ATXN10: variants seen among roughly 807,000 people sequenced by gnomAD.
The protein encoded by ATXN10 is ataxin-10.
A neutral mutation model predicts 52.9 loss-of-function variants in ATXN10; 28 were observed. The observed-to-expected ratio is 0.53, with a 90% confidence interval of 0.39 to 0.73. The LOEUF (loss-of-function observed/expected upper bound fraction) is 0.73, where lower values mean the gene tolerates loss of function less well. Ranked by LOEUF, ATXN10 falls within the 30% of genes least tolerant of loss-of-function variation. The pLI, the probability that ATXN10 is intolerant of heterozygous loss-of-function variation, is 0.00. For missense variants in ATXN10, 565 were observed against 577.0 expected (o/e 0.98, Z 0.21); for synonymous variants, 226 against 221.5 (o/e 1.02, Z -0.18).
intron 9 of ATXN10, among the ~76,000 whole-genome samples, chr22:45,755,911 G>T (rs142758158): frequency 4.8e-4 from 73 of 152,236 alleles, no homozygotes; most frequent in Non-Finnish European, 8.5e-4. Flanking sequence ...GCTTGCCTGA[G>T]GTCACACACA....
intron 5 of ATXN10, among the ~76,000 whole-genome samples, chr22:45,709,435 G>T (rs1186561957): frequency 6.6e-6 from 1 of 152,166 alleles, no homozygotes; most frequent in Non-Finnish European, 1.5e-5. Flanking sequence ...AGGGTCATTG[G>T]GTGAAGGCAC....
chr22:45,682,937 C>G (rs1776758270), intron 1 of ATXN10, among the ~76,000 whole-genome samples: 1 of 152,216 alleles, frequency 6.6e-6, no homozygotes, highest in Admixed American at 6.5e-5. Flanking sequence ...CTGCTGTCGT[C>G]TCTTTCTCCC....
intron 9 of ATXN10, chr22:45,760,643 C>T (rs1926352819): frequency 1.3e-5 from 2 of 154,130 alleles, no homozygotes; most frequent in Admixed American, 6.5e-5. Context: ...TGAGTGTGTC[C>T]TGTGTCCTAG....
rs559314383 is a variant in ATXN10, at chr22:45,832,347, G to A, written c.1238-10644G>A. Among the ~76,000 whole-genome samples, 21 of 152,236 alleles carry A rather than the reference G, an allele frequency of 1.4e-4. 1 individual carries two copies. In the East Asian group the frequency reaches 1.5e-3, roughly 11 times the overall value. On this transcript the variant is annotated intron_variant, in intron 10 of 11. Coordinates refer to ENST00000252934, the MANE Select transcript of ATXN10 (RefSeq NM_013236.4). ...CATCAGTGTTCCTCCATGTGGAGGC[G>A]CTGTGTGGCCTGCTCCCATCTGCAC...
intron 9 of ATXN10, among the ~76,000 whole-genome samples, chr22:45,785,557 G>A (rs1233870138): frequency 1.3e-5 from 2 of 152,186 alleles, no homozygotes; most frequent in Admixed American, 6.5e-5. Context: ...TGTGTAAGAC[G>A]TTCTGTTTTC....
rs1354337227 is a variant in ATXN10, at chr22:45,828,206, A to G, written c.1238-14785A>G. On this transcript the variant is annotated intron_variant, in intron 10 of 11. Coordinates refer to ENST00000252934, the MANE Select transcript of ATXN10 (RefSeq NM_013236.4). The surrounding 1 kb of genome is among the most constrained non-coding windows in gnomAD (Gnocchi z 4.5). ...TCTCTATTAAAAACTTTAAAAAAGA[A>G]AAAAAAAAGAAGAAAAAAATATTTA... 6.7e-6 allele frequency among the ~76,000 whole-genome samples: 1 copy of G among 148,314 alleles called. No individual in the cohort carries two copies. The highest frequency in any genetic ancestry group is 2.6e-5 in the African/African-American group (1 of 38,514).
rs989082811 is a variant in ATXN10 at position 45,688,464 on chromosome 22, G to A, written c.117-1248G>A. ...TAAATTTGACTCCAGACTTAAGAAA[G>A]GCCCCGACAGAGAGAAAACATAATA... is the stretch of plus-strand genomic sequence containing the variant. On this transcript the variant is annotated intron_variant, in intron 1 of 11. Coordinates refer to ENST00000252934, the MANE Select transcript of ATXN10 (RefSeq NM_013236.4). This position sits in a 1 kb window ranked among gnomAD's most constrained non-coding sequence, Gnocchi z 4.0. Among the ~76,000 whole-genome samples the A allele has an allele frequency of 1.3e-5, 2 of 152,174 alleles. No individual in the cohort carries two copies. Among genetic ancestry groups the A allele is most frequent in the African/African-American group, 2.4e-5 (1 of 41,438 alleles).
chr22:45,804,463 G>A (rs1928033512), intron 9 of ATXN10, among the ~76,000 whole-genome samples: 1 of 152,126 alleles, frequency 6.6e-6, no homozygotes, highest in Admixed American at 6.5e-5. Flanking sequence ...GTAAAATAAG[G>A]ATCGTTAATA....
At chr22:45,751,740 G>GGAAAAAAAAAAAAAAAAAAAAAAAA (rs1555892667) in intron 9 of ATXN10, among the ~76,000 whole-genome samples, 1 of 45,502 alleles carries the variant, frequency 2.2e-5, no homozygotes, top group Non-Finnish European at 3.7e-5. Context: ...CCTTTTTCTG[G>GGAAAAAAAAAAAAAAAAAAAAAAAA]AAAAAAAAAA....
At position 45,823,427 on chromosome 22, in the gene ATXN10, T is replaced by C; in HGVS notation, c.1237+16405T>C. On this transcript the variant is annotated intron_variant, in intron 10 of 11. Transcript: ENST00000252934. This position sits in a 1 kb window ranked among gnomAD's most constrained non-coding sequence, Gnocchi z 4.9. Reference sequence around the variant, plus strand: ...TATTTATGATGTACAGTAGGGATTCTGTCTTTTTTTAATTTCCCCTGCGAT... The same window carrying C: ...TATTTATGATGTACAGTAGGGATTCCGTCTTTTTTTAATTTCCCCTGCGAT... 2 of 275,822 alleles carry C rather than the reference T, an allele frequency of 7.3e-6. No individual in the cohort carries two copies. The highest frequency in any genetic ancestry group is 7.2e-6 in the Non-Finnish European group (1 of 138,576). The allele number at this position is 275,822 out of a possible 1,614,324, so 17.1% of individuals were successfully genotyped here. A position where few individuals can be genotyped will look rare whatever the true frequency, so the allele number is the denominator to read the frequency against.
Position 45,754,012 on chromosome 22 carries a change from A to G in ATXN10, c.1173+13474A>G, listed in dbSNP as rs1233579682. ...GAACCTTGTCCTAGTTGGATCCTGC[A>G]TGCCTCCACTCTTGTCTGCCTCTCT... On this transcript the variant is annotated intron_variant, in intron 9 of 11. Coordinates refer to ENST00000252934, the MANE Select transcript of ATXN10 (RefSeq NM_013236.4). The surrounding 1 kb of genome is among the most constrained non-coding windows in gnomAD (Gnocchi z 5.4). Among the ~76,000 whole-genome samples, 1 of 152,220 alleles carries G rather than the reference A, an allele frequency of 6.6e-6. No homozygotes were observed. The highest frequency in any genetic ancestry group is 1.5e-5 in the Non-Finnish European group (1 of 68,042).
intron 9 of ATXN10, among the ~76,000 whole-genome samples, chr22:45,743,238 C>G (rs1388966303): frequency 1.3e-5 from 2 of 152,184 alleles, no homozygotes; most frequent in Admixed American, 6.5e-5. Flanking sequence ...CTCAAATGCC[C>G]TCTGTTTCTC....
intron 8 of ATXN10, among the ~76,000 whole-genome samples, chr22:45,739,495 C>G (rs1158420262): frequency 6.6e-6 from 1 of 152,186 alleles, no homozygotes; most frequent in Non-Finnish European, 1.5e-5. Context: ...TATAGATGAG[C>G]TAGCAGTCAG....
In ATXN10 at chr22:45,833,918, C is replaced by T. The variant is rs75759291; in HGVS notation, c.1238-9073C>T. Among the ~76,000 whole-genome samples the T allele has an allele frequency of 0.053, 8,035 of 152,270 alleles. 281 individuals are homozygous for T. The highest frequency in any genetic ancestry group is 0.088 in the Middle Eastern group (26 of 294). On this transcript the variant is annotated intron_variant, in intron 10 of 11. Coordinates refer to ENST00000252934, the MANE Select transcript of ATXN10 (RefSeq NM_013236.4). The surrounding 1 kb of genome is among the most constrained non-coding windows in gnomAD (Gnocchi z 4.3). ...GCCTGACTGCCTACTTCCAAATCCA[C>T]CTTGAACACATCCAGTTGCGGGACC...
At position 45,837,509 on chromosome 22, in the gene ATXN10, G is replaced by A. The variant is rs1278339700; in HGVS notation, c.1238-5482G>A. On this transcript the variant is annotated intron_variant, in intron 10 of 11. Transcript: ENST00000252934. The surrounding 1 kb of genome is among the most constrained non-coding windows in gnomAD (Gnocchi z 5.8). ...ATACTCCTGACCTCGTGATCCGCCT[G>A]CCTCAGCCTCCCAAAGTGTTGGGAT... Among the ~76,000 whole-genome samples, 1 of 152,212 alleles carries A rather than the reference G, an allele frequency of 6.6e-6. No individual in the cohort carries two copies. Among genetic ancestry groups the A allele is most frequent in the Non-Finnish European group, 1.5e-5 (1 of 68,048 alleles).
In ATXN10 at chr22:45,833,351, G is replaced by A. The variant is rs1034250406; in HGVS notation, c.1238-9640G>A. On this transcript the variant is annotated intron_variant, in intron 10 of 11. Coordinates refer to ENST00000252934, the MANE Select transcript of ATXN10 (RefSeq NM_013236.4). This position sits in a 1 kb window ranked among gnomAD's most constrained non-coding sequence, Gnocchi z 4.3. ...AATGCCATTGGAGCAAGTGCTACCAGATGCCCAGACACTGGTGTGTACAGC... is the reference window on the plus strand; with the variant it reads ...AATGCCATTGGAGCAAGTGCTACCAAATGCCCAGACACTGGTGTGTACAGC... Among the ~76,000 whole-genome samples the A allele has an allele frequency of 1.3e-5, 2 of 152,336 alleles. No homozygotes were observed. Among genetic ancestry groups the A allele is most frequent in the Admixed American group, 1.3e-4 (2 of 15,304 alleles).
chr22:45,699,532 C>T (rs1335833914), intron 3 of ATXN10, among the ~76,000 whole-genome samples: 1 of 135,694 alleles, frequency 7.4e-6, no homozygotes, highest in Non-Finnish European at 1.5e-5. Flanking sequence ...GGGTCTGTCT[C>T]CCCGGCTGGA....
In ATXN10 at chr22:45,718,362, C is replaced by A; in HGVS notation, c.648-51C>A. The A allele has an allele frequency of 7.2e-7, 1 of 1,390,280 alleles. No homozygotes were observed. Among genetic ancestry groups the A allele is most frequent in the Non-Finnish European group, 1.0e-6 (1 of 976,204 alleles). 86.1% of individuals were successfully genotyped at this position (1,390,280 alleles called of 1,614,324 possible). A position where few individuals can be genotyped will look rare whatever the true frequency, so the allele number is the denominator to read the frequency against. On this transcript the variant is annotated intron_variant, in intron 5 of 11. Transcript: ENST00000252934. This position sits in a 1 kb window ranked among gnomAD's most constrained non-coding sequence, Gnocchi z 4.4. ...GCCTATAAAGTAGATAAGGGCATGT[C>A]TCTTTTACTATGTTTCAAGTAACCA...
chr22:45,778,814 A>G (rs1927048054), intron 9 of ATXN10, among the ~76,000 whole-genome samples: 1 of 152,218 alleles, frequency 6.6e-6, no homozygotes, highest in Non-Finnish European at 1.5e-5. Flanking sequence ...TGATTAATAT[A>G]TGAAATTAAT....
Sources: allele counts gnomAD v4.1 joint callset (sites outside exome capture counted in the v4.1 genomes callset), GRCh38; gene constraint gnomAD v4.1.1; non-coding constraint Gnocchi (gnomAD v3.1); transcripts MANE v1.5; gene names NCBI Gene and HGNC (gene_info 2026-07-23, HGNC 2026-07-21).